AFF3: variants seen among roughly 807,000 people sequenced by gnomAD.
AFF3 encodes the protein AF4/FMR2 family member 3.
A neutral mutation model predicts 129.7 loss-of-function variants in AFF3; 32 were observed. That is an observed-to-expected ratio of 0.25 (90% CI 0.19 to 0.33). AFF3 has a LOEUF of 0.33. Among genes scored for constraint, AFF3 ranks in the 10% least tolerant of loss-of-function variants. AFF3 has a pLI of 1.00. For synonymous variants in AFF3, 644 were observed against 635.4 expected, an observed-to-expected ratio of 1.01 and a Z score of -0.20; for missense variants, 1,373 against 1,592.0, an observed-to-expected ratio of 0.86 and a Z score of 2.34.
At chr2:100,024,025 G>A (rs1449872461) in intron 4 of AFF3, among the ~76,000 whole-genome samples, 1 of 151,332 alleles carries the variant, frequency 6.6e-6, no homozygotes, top group Non-Finnish European at 1.5e-5. Flanking sequence ...GAGGTCAGGA[G>A]ATTGAGACCA....
intron 9 of AFF3, among the ~76,000 whole-genome samples, chr2:99,750,419 T>TTC (rs1491139802): frequency 7.0e-4 from 3 of 4,302 alleles, no homozygotes; most frequent in African/African-American, 4.2e-3. Flanking sequence ...TTTTCTTTTC[T>TTC]TTTTTTTTTT....
At chr2:99,763,500 A>T (rs1465566492) in intron 8 of AFF3, among the ~76,000 whole-genome samples, 1 of 152,152 alleles carries the variant, frequency 6.6e-6, no homozygotes, top group Non-Finnish European at 1.5e-5. Context: ...GTGAACTATG[A>T]TTGCACCACT....
At chr2:99,874,446 C>T (rs534589233) in intron 7 of AFF3, among the ~76,000 whole-genome samples, 18 of 152,156 alleles carry the variant, frequency 1.2e-4, no homozygotes, top group East Asian at 3.8e-4. Flanking sequence ...TTTTCAAAAA[C>T]GGACAGACTC....
chr2:99,799,913 T>A (rs1015924882), intron 8 of AFF3, among the ~76,000 whole-genome samples: 6 of 152,188 alleles, frequency 3.9e-5, no homozygotes, highest in Non-Finnish European at 8.8e-5. Flanking sequence ...AAGTTGAATT[T>A]CCATCCACAC....
chr2:99,568,201 A>G (rs1676155227), intron 19 of AFF3, among the ~76,000 whole-genome samples: 1 of 152,212 alleles, frequency 6.6e-6, no homozygotes, highest in South Asian at 2.1e-4. Flanking sequence ...TAAAACTGGA[A>G]TTACTAGGTG....
At chr2:100,093,111 T>C (rs1217101025) in intron 4 of AFF3, among the ~76,000 whole-genome samples, 14 of 152,244 alleles carry the variant, frequency 9.2e-5, no homozygotes, top group African/African-American at 3.1e-4. Flanking sequence ...AAACATTACC[T>C]TTTTTTTCTT....
chr2:99,778,907 T>C (rs112626484), intron 8 of AFF3, among the ~76,000 whole-genome samples: 4,395 of 125,324 alleles, frequency 0.035, 80 homozygotes, highest in African/African-American at 0.041. Flanking sequence ...CGTGTGTGTG[T>C]GTGTGTGTGT....
intron 10 of AFF3, among the ~76,000 whole-genome samples, chr2:99,728,033 T>C (rs1251590245): frequency 6.6e-6 from 1 of 152,200 alleles, no homozygotes; most frequent in African/African-American, 2.4e-5. Flanking sequence ...GTTAAGGAAA[T>C]GCTTCTGTGG....
At chr2:99,792,228 A>G (rs1429686478) in intron 8 of AFF3, among the ~76,000 whole-genome samples, 1 of 152,182 alleles carries the variant, frequency 6.6e-6, no homozygotes, top group Non-Finnish European at 1.5e-5. Flanking sequence ...TATTACACAG[A>G]ACTCTGGGAC....
chr2:100,051,174 TA>T (rs1231736680), intron 4 of AFF3, among the ~76,000 whole-genome samples: 1 of 152,220 alleles, frequency 6.6e-6, no homozygotes, highest in Non-Finnish European at 1.5e-5. Flanking sequence ...TCCTGCCGGT[TA>T]GGGCAGACAT....
intron 12 of AFF3, among the ~76,000 whole-genome samples, chr2:99,652,506 G>T (rs1423582357): frequency 6.6e-6 from 1 of 152,154 alleles, no homozygotes; most frequent in African/African-American, 2.4e-5. Context: ...GCAGAAAGAA[G>T]GGCTGTAGGG....
intron 7 of AFF3, among the ~76,000 whole-genome samples, chr2:99,929,209 C>T (rs1012262468): frequency 2.0e-5 from 3 of 152,102 alleles, no homozygotes; most frequent in East Asian, 1.9e-4. Flanking sequence ...TGCCTGTAAT[C>T]CCAGCTACTC....
intron 8 of AFF3, among the ~76,000 whole-genome samples, chr2:99,806,816 CTGAATACTTA>C (rs1334798953): frequency 6.6e-6 from 1 of 152,184 alleles, no homozygotes; most frequent in Non-Finnish European, 1.5e-5. Flanking sequence ...GTGTTGAATG[CTGAATACTTA>C]CATGAATACC....
chr2:100,116,382 T>C (rs1015025583), intron 2 of AFF3, among the ~76,000 whole-genome samples: 10 of 152,172 alleles, frequency 6.6e-5, no homozygotes, highest in African/African-American at 2.2e-4. Flanking sequence ...AGTCTACCAT[T>C]CGCAAGGAGC....
chr2:100,005,773 T>C (rs928231577), intron 7 of AFF3, among the ~76,000 whole-genome samples: 1 of 152,196 alleles, frequency 6.6e-6, no homozygotes, highest in African/African-American at 2.4e-5. Context: ...TTCAGAAATG[T>C]TTAAGCTCAG....
At chr2:99,659,822 T>C (rs1289953853) in intron 12 of AFF3, among the ~76,000 whole-genome samples, 1 of 152,038 alleles carries the variant, frequency 6.6e-6, no homozygotes, top group Non-Finnish European at 1.5e-5. Flanking sequence ...TCAAGTTTCC[T>C]AGCACAAAAA....
At chr2:99,781,110 T>C (rs892206825) in intron 8 of AFF3, among the ~76,000 whole-genome samples, 1 of 152,188 alleles carries the variant, frequency 6.6e-6, no homozygotes, top group African/African-American at 2.4e-5. Flanking sequence ...TTAGTTACAA[T>C]GATTTTCTCC....
At position 100,022,266 on chromosome 2, in the gene AFF3, A is replaced by G. The variant is rs1485727127; in HGVS notation, c.54-13334T>C. Among the ~76,000 whole-genome samples, 7 of 152,236 alleles carry G rather than the reference A, an allele frequency of 4.6e-5. No individual in the cohort carries two copies. The East Asian group carries it at 1.3e-3, about 29-fold the overall frequency. ...TACTTGATTCCCTAGAACATTAGGA[A>G]TGTTATATATCATGGGGCTGCCTAA... On this transcript the variant is annotated intron_variant, in intron 4 of 24. Transcript: ENST00000672756.
chr2:99,875,796 A>G (rs749092106), intron 7 of AFF3, among the ~76,000 whole-genome samples: 16 of 152,200 alleles, frequency 1.1e-4, no homozygotes, highest in Non-Finnish European at 1.8e-4. Flanking sequence ...GCCTGGCTCA[A>G]TATGGTCTCC....
Sources: allele counts gnomAD v4.1 joint callset (sites outside exome capture counted in the v4.1 genomes callset), GRCh38; gene constraint gnomAD v4.1.1; transcripts MANE v1.5; gene names NCBI Gene and HGNC (gene_info 2026-07-23, HGNC 2026-07-21).